Variants in ANK2 observed in about 807,000 individuals in gnomAD.
The protein encoded by ANK2 is ankyrin 2.
In ANK2, 83 loss-of-function variants were observed where a neutral mutation model predicts 360.5. The observed-to-expected ratio is 0.23, with a 90% confidence interval of 0.19 to 0.28. The LOEUF (loss-of-function observed/expected upper bound fraction) is 0.28, where lower values mean the gene tolerates loss of function less well. Ranked by LOEUF, ANK2 falls within the 10% of genes least tolerant of loss-of-function variation. The pLI is 1.00. For missense variants in ANK2, 4,201 were observed against 4,795.7 expected, an observed-to-expected ratio of 0.88 and a Z score of 3.66; for synonymous variants, 1,740 against 1,759.5, an observed-to-expected ratio of 0.99 and a Z score of 0.28.
intron 5 of ANK2, among the ~76,000 whole-genome samples, chr4:113,232,532 T>C (rs567033566): frequency 2.8e-4 from 42 of 152,356 alleles, no homozygotes; most frequent in African/African-American, 1.0e-3. Context: ...AGGAGGTTTG[T>C]ACCATTCTAA....
chr4:112,986,330 A>G (rs1249020792), intron 2 of ANK2, among the ~76,000 whole-genome samples: 1 of 152,260 alleles, frequency 6.6e-6, no homozygotes, highest in African/African-American at 2.4e-5. Flanking sequence ...AACTATGAAC[A>G]TAGAATTTGA....
intron 34 of ANK2, among the ~76,000 whole-genome samples, chr4:113,345,121 G>A (rs1254494514): frequency 6.6e-6 from 1 of 152,056 alleles, no homozygotes; most frequent in Non-Finnish European, 1.5e-5. Context: ...TTTAAAAAAG[G>A]AATGAAATTC....
intron 32 of ANK2, among the ~76,000 whole-genome samples, chr4:113,339,836 C>T (rs2094045814): frequency 6.6e-6 from 1 of 152,206 alleles, no homozygotes; most frequent in South Asian, 2.1e-4. Flanking sequence ...TTAAAGTTAG[C>T]TCCCATTCCT....
intron 26 of ANK2, among the ~76,000 whole-genome samples, chr4:113,329,778 G>A (rs1213837814): frequency 6.6e-6 from 1 of 152,292 alleles, no homozygotes; most frequent in African/African-American, 2.4e-5. Context: ...AGATGATGTT[G>A]GAACAGGATG....
At chr4:113,093,539 C>G (rs980386958) in intron 1 of ANK2, among the ~76,000 whole-genome samples, 1 of 152,060 alleles carries the variant, frequency 6.6e-6, no homozygotes, top group Non-Finnish European at 1.5e-5. Flanking sequence ...AGAGTTTCAC[C>G]ATGTTGGCCA....
At chr4:113,211,496 G>C (rs532381271) in intron 4 of ANK2, among the ~76,000 whole-genome samples, 165 of 152,256 alleles carry the variant, frequency 1.1e-3, no homozygotes, top group South Asian at 8.7e-3. Flanking sequence ...ATTGTGCATT[G>C]TGTTTTGACC....
chr4:113,274,748 A>G (rs2059627344), intron 15 of ANK2, 99 bp downstream of exon 15: 8 of 1,282,630 alleles, frequency 6.2e-6, no homozygotes, highest in South Asian at 2.5e-5. Flanking sequence ...AGATCTCCTC[A>G]GGCCTTGACT....
chr4:113,319,159 T>C (rs2084601751), intron 26 of ANK2, among the ~76,000 whole-genome samples: 1 of 152,190 alleles, frequency 6.6e-6, no homozygotes, highest in African/African-American at 2.4e-5. Context: ...TTCTCAGTTA[T>C]CTTTTTAAAG....
At chr4:112,725,626 C>T in the ANK2 span, among the ~76,000 whole-genome samples, 2 of 152,186 alleles carry the variant, frequency 1.3e-5, no homozygotes, top group Admixed American at 6.5e-5. Flanking sequence ...TCCCAAAGTG[C>T]TGGGATTACA....
Position 113,333,141 on chromosome 4 carries a change from C to T in ANK2, c.3312C>T (p.Ser1104=), listed in dbSNP as rs2153942879. The change falls in exon 29 of 46, where the codon AGC becomes AGT. Residue 1104 remains serine, a synonymous_variant. Coordinates refer to ENST00000357077, the MANE Select transcript of ANK2 (RefSeq NM_001148.6). The part of the protein sequence containing the change: ...LVVLRSENGD[S]WKEHFCDYTE... ...TCCTGCGCAGTGAGAATGGGGACAG[C>T]TGGAAAGAGCATTTCTGTGACTACA... 1 of 1,614,176 alleles carries T rather than the reference C, an allele frequency of 6.2e-7. No homozygotes were observed. Among genetic ancestry groups the T allele is most frequent in the Non-Finnish European group, 8.5e-7 (1 of 1,180,034 alleles).
At chr4:113,227,977 A>G (rs2099245592) in intron 4 of ANK2, among the ~76,000 whole-genome samples, 1 of 152,200 alleles carries the variant, frequency 6.6e-6, no homozygotes, top group East Asian at 1.9e-4. Context: ...TACAGTGGAT[A>G]TAACAGAAGC....
chr4:113,240,362 A>T, intron 7 of ANK2, 123 bp from the exon 8 acceptor site: 1 of 738,064 alleles, frequency 1.4e-6, no homozygotes, highest in South Asian at 1.5e-5. Flanking sequence ...AGATCTTACT[A>T]AAGCATTTAT....
At chr4:113,280,223 G>A (rs890047210) in intron 17 of ANK2, among the ~76,000 whole-genome samples, 2 of 152,164 alleles carry the variant, frequency 1.3e-5, no homozygotes, top group African/African-American at 4.8e-5. Flanking sequence ...TAAAACGTGT[G>A]TTCTCTTTCC....
the ANK2 span, among the ~76,000 whole-genome samples, chr4:112,770,711 C>CA: frequency 0.018 from 2,213 of 121,548 alleles, 29 homozygotes; most frequent in Middle Eastern, 0.061. Context: ...CTCTCTCTCT[C>CA]AAAAAAAAAA....
At position 113,311,277 on chromosome 4, in the gene ANK2, T is replaced by A; in HGVS notation, c.2571T>A (p.Asp857Glu). 6.2e-7 allele frequency: 1 copy of A among 1,614,096 alleles called. No individual in the cohort carries two copies. The highest frequency in any genetic ancestry group is 8.5e-7 in the Non-Finnish European group (1 of 1,180,010). Reference sequence around the variant, plus strand: ...AAGGTGATGACACAATGACTGGTGATGGGGGAGAATACCTTAGGCCTGAGG... The same window carrying A: ...AAGGTGATGACACAATGACTGGTGAAGGGGGAGAATACCTTAGGCCTGAGG... ...DEEGDDTMTG[D>E]GGEYLRPEDL... is the part of the protein sequence containing the mutation. The change falls in exon 24 of 46, where the codon GAT becomes GAA. Residue 857 changes from aspartate (D) to glutamate (E), a missense_variant. Physicochemically the swap from Asp to Glu is conservative, Grantham distance 45. Transcript: ENST00000357077.
intron 4 of ANK2, among the ~76,000 whole-genome samples, chr4:113,228,832 T>C (rs114878611): frequency 0.033 from 4,951 of 152,266 alleles, 96 homozygotes; most frequent in African/African-American, 0.039. Flanking sequence ...TTTTTTTAAA[T>C]TAAAAACTAC....
chr4:112,957,429 C>T (rs1341130666), intron 2 of ANK2, among the ~76,000 whole-genome samples: 3 of 152,364 alleles, frequency 2.0e-5, no homozygotes, highest in East Asian at 1.9e-4. Context: ...TACACATACA[C>T]AGCAACCATC....
chr4:113,130,106 T>C (rs1164825305), intron 1 of ANK2, among the ~76,000 whole-genome samples: 1 of 152,216 alleles, frequency 6.6e-6, no homozygotes, highest in Non-Finnish European at 1.5e-5. Flanking sequence ...CTGAGACCTA[T>C]TTCCACTTTG....
intron 29 of ANK2, 120 bp from the exon 30 acceptor site, chr4:113,335,726 C>CA (rs1050855688): frequency 8.4e-6 from 9 of 1,072,606 alleles, no homozygotes; most frequent in South Asian, 2.6e-5. Context: ...CCTGTTGTTT[C>CA]AAAAAAATGT....
Sources: gnomAD v4.1 joint callset for allele counts (sites outside exome capture counted in the v4.1 genomes callset) on GRCh38, gnomAD v4.1.1 for gene constraint, MANE v1.5 for transcripts, NCBI Gene and HGNC (gene_info 2026-07-23, HGNC 2026-07-21) for gene names.